DPP8: variants seen among roughly 807,000 people sequenced by gnomAD.
The protein encoded by DPP8 is dipeptidyl peptidase 8.
Under a neutral mutation model 107.5 loss-of-function variants are expected in DPP8, and 31 were observed. The ratio of observed to expected loss-of-function variants is 0.29; its 90% confidence interval spans 0.22 to 0.39. The LOEUF (loss-of-function observed/expected upper bound fraction) is 0.39. Among genes scored for constraint, DPP8 ranks in the 10% least tolerant of loss-of-function variants. The pLI, the probability that DPP8 is intolerant of heterozygous loss-of-function variation, is 1.00. For missense variants in DPP8, 842 were observed against 1,076.1 expected (o/e 0.78, Z 3.04); for synonymous variants, 381 against 356.6 (o/e 1.07, Z -0.77).
rs563591413 is a variant in DPP8 at position 65,505,748 on chromosome 15, G to A, written c.372+1495C>T. Among the ~76,000 whole-genome samples, 3 of 151,398 alleles carry A rather than the reference G, an allele frequency of 2.0e-5. No individual in the cohort carries two copies. The South Asian group carries it at 6.3e-4, about 32-fold the overall frequency. On this transcript the variant is annotated intron_variant, in intron 3 of 19. Coordinates refer to ENST00000300141, the MANE Select transcript of DPP8 (RefSeq NM_130434.5). ...GTGGATCACTTGAGGCCAAGAGTTC[G>A]AGACCAGCCTGGGTGACATGATGAA...
intron 3 of DPP8, 94 bp from the exon 4 acceptor site, chr15:65,500,873 CTT>C (rs781459910): frequency 0.048 from 15,585 of 323,710 alleles, no homozygotes; most frequent in South Asian, 0.074. Flanking sequence ...ATTATTGACT[CTT>C]TTTTTTTTTT....
chr15:65,467,726 C>T (rs768126547), intron 12 of DPP8, among the ~76,000 whole-genome samples: 1 of 152,172 alleles, frequency 6.6e-6, no homozygotes, highest in Non-Finnish European at 1.5e-5. Flanking sequence ...GGAAAAAGGA[C>T]ACCTGAGTTA....
In DPP8 at chr15:65,502,506, C is replaced by T. The variant is rs148662900; in HGVS notation, c.373-1727G>A. Among the ~76,000 whole-genome samples, 505 of 151,972 alleles carry T rather than the reference C, an allele frequency of 3.3e-3. 2 individuals are homozygous for T. Among genetic ancestry groups the T allele is most frequent in the African/African-American group, 0.012 (486 of 41,474 alleles). On this transcript the variant is annotated intron_variant, in intron 3 of 19. Coordinates refer to ENST00000300141, the MANE Select transcript of DPP8 (RefSeq NM_130434.5). ...CAGCCTGGCCAACACAGTGAAACCT[C>T]GCCTCTACTAAAAATACAAAAATTA...
rs1036638300 is a variant in DPP8, at chr15:65,446,217, C to T, written c.*667G>A. On this transcript the variant is annotated 3_prime_UTR_variant, in exon 20 of 20. Transcript: ENST00000300141. Reference sequence around the variant, plus strand: ...GCCTTTATGCAAAAGGAAAAGCCCACTCTGTTAATATCATCAAAGAAAAAT... The same window carrying T: ...GCCTTTATGCAAAAGGAAAAGCCCATTCTGTTAATATCATCAAAGAAAAAT... 3 of 151,996 alleles carry T rather than the reference C, an allele frequency of 2.0e-5. No individual in the cohort carries two copies. The highest frequency in any genetic ancestry group is 1.3e-4 in the Admixed American group (2 of 15,244). The allele number at this position is 151,996 out of a possible 1,614,324, so 9.4% of individuals were successfully genotyped here.
At chr15:65,512,751 G>A (rs2070958683) in intron 1 of DPP8, 187 bp from the exon 2 acceptor site, 6 of 605,016 alleles carry the variant, frequency 9.9e-6, no homozygotes, top group African/African-American at 3.7e-5. Context: ...GTTTAAAAAT[G>A]AAATTAAAAA....
intron 12 of DPP8, among the ~76,000 whole-genome samples, chr15:65,471,234 T>C (rs960034959): frequency 2.0e-5 from 3 of 152,106 alleles, no homozygotes; most frequent in Admixed American, 6.6e-5. Flanking sequence ...GAAAAAAATA[T>C]TTGGAAACAA....
rs767081326 is a variant in DPP8, at chr15:65,512,389, A to G, written c.165T>C (p.Tyr55=). ...LKKLLADTRK[Y]HGYMMAKAPH... ...GTGCCTTAGCCATCATGTAGCCATG[A>G]TATTTTCTGGTATCGGCAAGCAGCT... Residue 55 remains tyrosine, a synonymous_variant, in exon 2 of 20, where the codon TAT becomes TAC. Coordinates refer to ENST00000300141, the MANE Select transcript of DPP8 (RefSeq NM_130434.5). 9 of 1,614,130 alleles carry G rather than the reference A, an allele frequency of 5.6e-6. No individual in the cohort carries two copies. The highest frequency in any genetic ancestry group is 6.8e-6 in the Non-Finnish European group (8 of 1,180,010).
intron 5 of DPP8, among the ~76,000 whole-genome samples, chr15:65,497,552 C>T (rs1169951384): frequency 6.6e-6 from 1 of 152,120 alleles, no homozygotes; most frequent in African/African-American, 2.4e-5. Context: ...CCATGCCTAG[C>T]CTAAAATTTT....
At chr15:65,480,129 A>T in intron 10 of DPP8, 93 bp downstream of exon 10, 3 of 946,054 alleles carry the variant, frequency 3.2e-6, no homozygotes, top group Non-Finnish European at 4.5e-6. Flanking sequence ...CTTTAAACTT[A>T]AAAAAAAATG....
chr15:65,513,130 C>T (rs1272200930), intron 1 of DPP8, among the ~76,000 whole-genome samples: 3 of 152,170 alleles, frequency 2.0e-5, no homozygotes, highest in Non-Finnish European at 2.9e-5. Context: ...AAATGGAAAG[C>T]CAAACAAAAC....
At chr15:65,506,222 G>A (rs1236772665) in intron 3 of DPP8, among the ~76,000 whole-genome samples, 1 of 151,950 alleles carries the variant, frequency 6.6e-6, no homozygotes, top group Admixed American at 6.6e-5. Flanking sequence ...CCAGCTACTT[G>A]GGAGTCTGAG....
rs753057420 is a variant in DPP8 at position 65,500,636 on chromosome 15, G to A, written c.516C>T (p.His172=). 11 of 1,613,852 alleles carry A rather than the reference G, an allele frequency of 6.8e-6. No individual in the cohort carries two copies. Among genetic ancestry groups the A allele is most frequent in the South Asian group, 5.5e-5 (5 of 91,086 alleles). ...ATCCTTGTGGCCCTCCATCTTTTAC[G>A]TGATAAATTCCACTACCGGCTTGAA... ...FLFQAGSGIY[H]VKDGGPQGFT... is the part of the protein sequence containing the mutation. The change falls in exon 4 of 20, where the codon CAC becomes CAT. Residue 172 remains histidine, a synonymous_variant. Transcript: ENST00000300141.
chr15:65,469,293 C>CAAGTTCCCAG (rs1378588010), intron 12 of DPP8, among the ~76,000 whole-genome samples: 3 of 151,582 alleles, frequency 2.0e-5, no homozygotes, highest in Non-Finnish European at 4.4e-5. Context: ...ACACTTCTAA[C>CAAGTTCCCAG]AAGTTCCCAG....
At chr15:65,463,264 C>T (rs1281445699) in intron 15 of DPP8, among the ~76,000 whole-genome samples, 3 of 152,206 alleles carry the variant, frequency 2.0e-5, no homozygotes, top group African/African-American at 7.2e-5. Flanking sequence ...AGTGGCAGGG[C>T]ACGGTGGCTC....
At chr15:65,501,181 T>C (rs1332294231) in intron 3 of DPP8, among the ~76,000 whole-genome samples, 1 of 152,024 alleles carries the variant, frequency 6.6e-6, no homozygotes, top group African/African-American at 2.4e-5. Context: ...CTGGCGACTC[T>C]ACATTTTTTT....
intron 19 of DPP8, among the ~76,000 whole-genome samples, chr15:65,448,921 T>C (rs1812329189): frequency 1.1e-5 from 1 of 90,644 alleles, no homozygotes; most frequent in Non-Finnish European, 2.2e-5. Flanking sequence ...TATATATATA[T>C]ATTTAGCCTG....
At chr15:65,475,628 TTCTAGA>T in intron 11 of DPP8, 1 of 886,034 alleles carries the variant, frequency 1.1e-6, no homozygotes, top group Non-Finnish European at 1.8e-6. Context: ...AAGGCATTTC[TTCTAGA>T]AATGCAACAA....
intron 2 of DPP8, among the ~76,000 whole-genome samples, chr15:65,511,609 C>T (rs1187677553): frequency 7.8e-6 from 1 of 127,922 alleles, no homozygotes; most frequent in Non-Finnish European, 1.6e-5. Flanking sequence ...CACTGCACTC[C>T]AACCTGGGTG....
Position 65,466,667 on chromosome 15 carries a change from A to T in DPP8, c.1825+11T>A. 6.2e-7 allele frequency: 1 copy of T among 1,613,216 alleles called. No homozygotes were observed. ...CTACTTAACGTCAGGATCAGGGGGA[A>T]AAAAGAATACCTGCTGAATCCAAAA... On this transcript the variant is annotated intron_variant, in intron 14 of 19. Coordinates refer to ENST00000300141, the MANE Select transcript of DPP8 (RefSeq NM_130434.5).
Sources: allele counts gnomAD v4.1 joint callset (sites outside exome capture counted in the v4.1 genomes callset), GRCh38; gene constraint gnomAD v4.1.1; transcripts MANE v1.5; gene names NCBI Gene and HGNC (gene_info 2026-07-23, HGNC 2026-07-21).